Variants in CPEB1 observed in about 807,000 individuals in gnomAD.
CPEB1 encodes cytoplasmic polyadenylation element binding protein 1, also known as cytoplasmic polyadenylation element-binding protein 1.
A neutral mutation model predicts 65.8 loss-of-function variants in CPEB1; 7 were observed. That is an observed-to-expected ratio of 0.11 (90% CI 0.06 to 0.20). The LOEUF is 0.20. CPEB1 is among the 10% of genes least tolerant of loss of function. The pLI is 1.00. For missense variants in CPEB1, 551 were observed against 712.2 expected, an observed-to-expected ratio of 0.77 and a Z score of 2.58; for synonymous variants, 262 against 260.0, an observed-to-expected ratio of 1.01 and a Z score of -0.08.
At chr15:82,608,157 T>C (rs1162084617) in intron 3 of CPEB1, among the ~76,000 whole-genome samples, 1 of 152,262 alleles carries the variant, frequency 6.6e-6, no homozygotes, top group Non-Finnish European at 1.5e-5. Context: ...GAGTTTTTTA[T>C]AAAGCCTCAT....
chr15:82,582,842 C>G (rs1256992255), intron 3 of CPEB1, among the ~76,000 whole-genome samples: 1 of 150,722 alleles, frequency 6.6e-6, no homozygotes. Context: ...CCCGGGTTCA[C>G]GCCATTCTCC....
At chr15:82,627,077 G>T in intron 3 of CPEB1, 116 bp downstream of exon 3, 2 of 790,166 alleles carry the variant, frequency 2.5e-6, no homozygotes, top group Non-Finnish European at 3.7e-6. Context: ...GGCAAGTATT[G>T]CCAGCAACTC....
intron 5 of CPEB1, 58 bp from the exon 6 acceptor site, chr15:82,556,180 A>AT: frequency 6.7e-7 from 1 of 1,487,074 alleles, no homozygotes; most frequent in Non-Finnish European, 9.0e-7. Context: ...TAAAGTAATA[A>AT]TCACATTATA....
At chr15:82,580,636 C>A (rs572621153) in intron 3 of CPEB1, among the ~76,000 whole-genome samples, 5 of 152,002 alleles carry the variant, frequency 3.3e-5, no homozygotes, top group African/African-American at 1.2e-4. Context: ...GCTTTTTTTA[C>A]GCTAAGCTAA....
chr15:82,634,808 G>A (rs1343858667), intron 1 of CPEB1, among the ~76,000 whole-genome samples: 2 of 152,118 alleles, frequency 1.3e-5, no homozygotes, highest in African/African-American at 4.8e-5. Flanking sequence ...ATACTTAGAT[G>A]TCCCAAATAA....
intron 1 of CPEB1, chr15:82,629,604 C>A: frequency 1.0e-6 from 1 of 985,288 alleles, no homozygotes; most frequent in Non-Finnish European, 1.2e-6. Flanking sequence ...ACAGCCAATG[C>A]CCAACATAAG....
chr15:82,558,016 C>T, intron 4 of CPEB1, 30 bp from the exon 5 acceptor site: 2 of 1,474,778 alleles, frequency 1.4e-6, no homozygotes, highest in South Asian at 2.6e-5. Context: ...AACCTCATGA[C>T]CTCTTAGTTT....
chr15:82,592,802 C>T (rs1365771855), intron 3 of CPEB1, among the ~76,000 whole-genome samples: 8 of 151,872 alleles, frequency 5.3e-5, no homozygotes, highest in Admixed American at 2.0e-4. Flanking sequence ...CGAGACCATC[C>T]GGGCTAACAT....
At chr15:82,631,076 A>T (rs1268904067) in intron 1 of CPEB1, among the ~76,000 whole-genome samples, 1 of 152,210 alleles carries the variant, frequency 6.6e-6, no homozygotes, top group Non-Finnish European at 1.5e-5. Flanking sequence ...TTAGTGAGAA[A>T]GTACCACAGT....
Position 82,634,204 on chromosome 15 carries a change from A to G in CPEB1, c.-97-5648T>C, listed in dbSNP as rs146669081. 3.0e-3 allele frequency among the ~76,000 whole-genome samples: 441 copies of G among 146,892 alleles called. 5 individuals carry two copies. The highest frequency in any genetic ancestry group is 0.011 in the African/African-American group (419 of 39,430). ...AACTGGTTTTTTTTTTTTTCCATCT[A>G]TGGTTCAGAAGTATCACTCATAACT... On this transcript the variant is annotated intron_variant, in intron 1 of 12. Coordinates refer to ENST00000684509, the MANE Select transcript of CPEB1 (RefSeq NM_001365242.1).
At chr15:82,642,490 G>T (rs1219333425) in intron 1 of CPEB1, among the ~76,000 whole-genome samples, 1 of 152,216 alleles carries the variant, frequency 6.6e-6, no homozygotes, top group Non-Finnish European at 1.5e-5. Flanking sequence ...TGAGGCTGCA[G>T]TAAGCTGTGA....
chr15:82,575,782 C>T (rs1235527035), intron 3 of CPEB1, among the ~76,000 whole-genome samples: 1 of 152,136 alleles, frequency 6.6e-6, no homozygotes, highest in Non-Finnish European at 1.5e-5. Flanking sequence ...GACTGTACCA[C>T]ATCTTGCCAA....
chr15:82,575,900 T>C (rs903537232), intron 3 of CPEB1, among the ~76,000 whole-genome samples: 1 of 152,188 alleles, frequency 6.6e-6, no homozygotes, highest in African/African-American at 2.4e-5. Context: ...AAAAGGTACA[T>C]CCACTTTGAA....
At chr15:82,630,604 T>C (rs928125875) in intron 1 of CPEB1, among the ~76,000 whole-genome samples, 1 of 150,758 alleles carries the variant, frequency 6.6e-6, no homozygotes, top group Non-Finnish European at 1.5e-5. Context: ...AGACCCTGTC[T>C]CAAAAAAAAA....
intron 3 of CPEB1, among the ~76,000 whole-genome samples, chr15:82,625,077 C>T (rs2045641565): frequency 1.3e-5 from 2 of 152,212 alleles, no homozygotes; most frequent in South Asian, 4.1e-4. Flanking sequence ...AAGTGATCCA[C>T]CTGCTCCAGC....
At chr15:82,645,820 A>AATGCAG (rs2047461618) in intron 1 of CPEB1, among the ~76,000 whole-genome samples, 1 of 152,132 alleles carries the variant, frequency 6.6e-6, no homozygotes, top group Non-Finnish European at 1.5e-5. Context: ...GTGAGCCAAG[A>AATGCAG]TCGCGAGACT....
chr15:82,564,160 T>C (rs2038711263), intron 4 of CPEB1, among the ~76,000 whole-genome samples: 1 of 152,220 alleles, frequency 6.6e-6, no homozygotes. Flanking sequence ...AAAAAGCAGG[T>C]GAACAATGAC....
At chr15:82,570,672 C>G (rs949016906) in intron 4 of CPEB1, among the ~76,000 whole-genome samples, 5 of 151,926 alleles carry the variant, frequency 3.3e-5, no homozygotes, top group Admixed American at 1.3e-4. Context: ...GACAAGGGAT[C>G]CTAAAGGGGA....
chr15:82,585,715 C>T (rs1319820523), intron 3 of CPEB1, among the ~76,000 whole-genome samples: 1 of 152,128 alleles, frequency 6.6e-6, no homozygotes, highest in Non-Finnish European at 1.5e-5. Flanking sequence ...AAATAGCATG[C>T]AAGTAATAAG....
Sources: gnomAD v4.1 joint callset for allele counts (sites outside exome capture counted in the v4.1 genomes callset) on GRCh38, gnomAD v4.1.1 for gene constraint, MANE v1.5 for transcripts, NCBI Gene and HGNC (gene_info 2026-07-23, HGNC 2026-07-21) for gene names.